The following RYR3 variants were observed in gnomAD, a reference collection of about 807,000 sequenced individuals.
The protein encoded by RYR3 is ryanodine receptor 3.
A neutral mutation model predicts 584.3 loss-of-function variants in RYR3; 207 were observed. The ratio of observed to expected loss-of-function variants is 0.35; its 90% confidence interval spans 0.32 to 0.40. The LOEUF (loss-of-function observed/expected upper bound fraction) is 0.40, where lower values mean the gene tolerates loss of function less well. Among genes scored for constraint, RYR3 ranks in the 10% least tolerant of loss-of-function variants. The pLI is 1.00. For synonymous variants in RYR3, 2,416 were observed against 2,248.5 expected (o/e 1.07, Z -2.11); for missense variants, 5,616 against 6,089.2 (o/e 0.92, Z 2.59).
chr15:33,665,710 T>C (rs2063459028), intron 36 of RYR3, among the ~76,000 whole-genome samples: 1 of 152,246 alleles, frequency 6.6e-6, no homozygotes, highest in Admixed American at 6.5e-5. Context: ...CTTGACAACA[T>C]TTGTAAAGCC....
intron 41 of RYR3, 37 bp downstream of exon 41, chr15:33,699,870 C>G: frequency 1.3e-6 from 2 of 1,597,566 alleles, no homozygotes; most frequent in Non-Finnish European, 1.7e-6. Context: ...CATCCAAACT[C>G]GAAGGTTACA....
rs75054524 is a variant in RYR3 at position 33,624,691 on chromosome 15, C to T, written c.2574+668C>T. The stretch of plus-strand genomic sequence containing the variant: ...CTGATAAATGGATATTTTCTTTCCC[C>T]TCCAGGGTCTGTAATTTGAGAGAGA... On this transcript the variant is annotated intron_variant, in intron 20 of 103. Transcript: ENST00000634891. Among the ~76,000 whole-genome samples the T allele has an allele frequency of 1.4e-3, 218 of 152,276 alleles. 1 individual carries two copies. The highest frequency in any genetic ancestry group is 4.5e-3 in the African/African-American group (189 of 41,556).
chr15:33,672,931 C>A (rs973353788), intron 38 of RYR3, among the ~76,000 whole-genome samples: 1 of 152,134 alleles, frequency 6.6e-6, no homozygotes, highest in African/African-American at 2.4e-5. Flanking sequence ...CTACCCTTAC[C>A]CGTTCCAGAA....
In RYR3 at chr15:33,834,951, T is replaced by C. The variant is rs757267999; in HGVS notation, c.11464-17T>C. 3.1e-6 allele frequency: 5 copies of C among 1,607,300 alleles called. No homozygotes were observed. The highest frequency in any genetic ancestry group is 1.7e-4 in the Middle Eastern group (1 of 6,040). ...TTGTGATGTTTAAGTGACATAAGAA[T>C]GTCCTCTTCTCTGCAGGGCCCTTGC... On this transcript the variant is annotated splice_polypyrimidine_tract_variant and intron_variant, in intron 86 of 103. Transcript: ENST00000634891.
At chr15:33,529,140 A>G (rs80182210) in intron 3 of RYR3, among the ~76,000 whole-genome samples, 4,464 of 152,336 alleles carry the variant, frequency 0.029, 206 homozygotes, top group African/African-American at 0.097. Flanking sequence ...GTTAGTGCAG[A>G]TGATTTCAAG....
intron 3 of RYR3, among the ~76,000 whole-genome samples, chr15:33,518,663 C>T (rs149319505): frequency 4.2e-3 from 635 of 152,248 alleles, no homozygotes; most frequent in Non-Finnish European, 7.0e-3. Flanking sequence ...TCGCTCTGTC[C>T]GGGTCCCAGC....
chr15:33,488,650 A>G (rs903204227), intron 2 of RYR3, among the ~76,000 whole-genome samples: 12 of 152,242 alleles, frequency 7.9e-5, no homozygotes, highest in Admixed American at 5.2e-4. Flanking sequence ...CAGGAGATCG[A>G]GACCATCCTG....
chr15:33,467,305 A>G (rs897471495), intron 1 of RYR3, among the ~76,000 whole-genome samples: 1 of 152,224 alleles, frequency 6.6e-6, no homozygotes, highest in African/African-American at 2.4e-5. Context: ...AGATCTAACT[A>G]TAGGGCTGTC....
intron 1 of RYR3, among the ~76,000 whole-genome samples, chr15:33,464,029 C>T (rs112448539): frequency 2.6e-5 from 4 of 152,156 alleles, no homozygotes; most frequent in Non-Finnish European, 5.9e-5. Flanking sequence ...TCAGTGACTC[C>T]GTAAGTGCCT....
intron 10 of RYR3, among the ~76,000 whole-genome samples, chr15:33,557,738 T>C (rs554282728): frequency 1.2e-4 from 18 of 152,306 alleles, no homozygotes; most frequent in African/African-American, 4.1e-4. Flanking sequence ...CTTGGCAACT[T>C]GATCATCTCC....
At chr15:33,457,013 T>G (rs2047617734) in intron 1 of RYR3, among the ~76,000 whole-genome samples, 1 of 152,222 alleles carries the variant, frequency 6.6e-6, no homozygotes, top group African/African-American at 2.4e-5. Flanking sequence ...TACCTGTAGA[T>G]GAACTATGGT....
chr15:33,662,522 G>C lies in RYR3; in HGVS notation c.4992G>C (p.Gly1664=), dbSNP rs370439483. 12 of 1,613,896 alleles carry C rather than the reference G, an allele frequency of 7.4e-6. No individual in the cohort carries two copies. Among genetic ancestry groups the C allele is most frequent in the Admixed American group, 1.7e-5 (1 of 59,996 alleles). Residue 1664 remains glycine (G), a synonymous_variant, in exon 35 of 104, where the codon GGG becomes GGC. Transcript: ENST00000634891. Reference sequence around the variant, plus strand: ...GCCTGAGAACATGTCTCAAGCCCGGGTTCAGGTTCTCCACCCCTTGCTTTG... The same window carrying C: ...GCCTGAGAACATGTCTCAAGCCCGGCTTCAGGTTCTCCACCCCTTGCTTTG... The part of the protein sequence containing the change: ...GVGLRTCLKP[G]FRFSTPCFVV...
At chr15:33,816,143 C>T (rs2076800989) in intron 74 of RYR3, among the ~76,000 whole-genome samples, 1 of 152,182 alleles carries the variant, frequency 6.6e-6, no homozygotes, top group Non-Finnish European at 1.5e-5. Flanking sequence ...TCTTCCTCCC[C>T]TCTCCTTCCC....
At position 33,785,786 on chromosome 15, in the gene RYR3, C is replaced by G. The variant is rs772120545; in HGVS notation, c.9393C>G (p.Ile3131Met). ...GARYTEMPHVIEVILPMLCNY... is the reference protein window; with the variant it reads ...GARYTEMPHVMEVILPMLCNY... ...GGTACACAGAGATGCCCCATGTCAT[C>G]GAGGTGATCTTACCCATGCTCTGCA... Residue 3131 changes from isoleucine (I) to methionine (M), a missense_variant, in exon 66 of 104, where the codon ATC becomes ATG. This residue lies in a region of RYR3 where 954 missense variants were observed against 1,132.2 expected (regional missense o/e 0.84). Coordinates refer to ENST00000634891, the MANE Select transcript of RYR3 (RefSeq NM_001036.6). 1.2e-4 allele frequency: 187 copies of G among 1,613,846 alleles called. No homozygotes were observed. Among genetic ancestry groups the G allele is most frequent in the Non-Finnish European group, 1.6e-4 (186 of 1,179,888 alleles).
chr15:33,435,903 C>T (rs2045681265), intron 1 of RYR3, among the ~76,000 whole-genome samples: 1 of 152,212 alleles, frequency 6.6e-6, no homozygotes, highest in African/African-American at 2.4e-5. Flanking sequence ...GGGGTGGCAG[C>T]TTTTATTCCC....
intron 2 of RYR3, among the ~76,000 whole-genome samples, chr15:33,481,369 G>A (rs1249335022): frequency 6.6e-6 from 1 of 151,976 alleles, no homozygotes; most frequent in Non-Finnish European, 1.5e-5. Flanking sequence ...GTCTCCTCTG[G>A]ATTTTGTTCT....
chr15:33,837,773 T>C lies in RYR3; in HGVS notation c.11793T>C (p.Tyr3931=), dbSNP rs890576989. The part of the protein sequence containing the change: ...DLTSSDTFKE[Y]DPDGKGIISK... ...CCAGCTCAGACACCTTCAAAGAATA[T>C]GACCCAGATGGTAAAGGAATTATCT... The change falls in exon 89 of 104, where the codon TAT becomes TAC. Residue 3931 remains tyrosine, a synonymous_variant. Transcript: ENST00000634891. 8 of 1,613,824 alleles carry C rather than the reference T, an allele frequency of 5.0e-6. No homozygotes were observed. The Admixed American group carries it at 8.3e-5, about 17-fold the overall frequency.
At position 33,780,356 on chromosome 15, in the gene RYR3, T is replaced by G; in HGVS notation, c.9268+15T>G. 1 of 1,612,456 alleles carries G rather than the reference T, an allele frequency of 6.2e-7. No individual in the cohort carries two copies. The highest frequency in any genetic ancestry group is 8.5e-7 in the Non-Finnish European group (1 of 1,179,120). On this transcript the variant is annotated intron_variant, in intron 65 of 103. Coordinates refer to ENST00000634891, the MANE Select transcript of RYR3 (RefSeq NM_001036.6). Reference sequence around the variant, plus strand: ...GGAGAGGTCTAGTAAGTATCTCCCCTCAAAGGTCATCAACCCATTTCATGT... The same window carrying G: ...GGAGAGGTCTAGTAAGTATCTCCCCGCAAAGGTCATCAACCCATTTCATGT...
intron 39 of RYR3, among the ~76,000 whole-genome samples, chr15:33,696,728 A>G (rs2065886508): frequency 6.6e-6 from 1 of 152,166 alleles, no homozygotes; most frequent in Admixed American, 6.5e-5. Flanking sequence ...CTTGATTTTA[A>G]TCTTTTGAAA....
Sources: allele counts gnomAD v4.1 joint callset (sites outside exome capture counted in the v4.1 genomes callset), GRCh38; gene constraint gnomAD v4.1.1; regional missense constraint gnomAD v4.1.1; transcripts MANE v1.5; gene names NCBI Gene and HGNC (gene_info 2026-07-23, HGNC 2026-07-21).